BTBD2: variants seen among roughly 807,000 people sequenced by gnomAD.
BTBD2 encodes BTB/POZ domain-containing protein 2.
In BTBD2, 15 loss-of-function variants were observed where a neutral mutation model predicts 44.0. The observed-to-expected ratio is 0.34, with a 90% CI of 0.23 to 0.53. The LOEUF is 0.53. Ranked by LOEUF, BTBD2 falls within the 20% of genes least tolerant of loss-of-function variation. The pLI is 0.95. For missense variants in BTBD2, 657 were observed against 746.4 expected (o/e 0.88, Z 1.39); for synonymous variants, 443 against 335.9 (o/e 1.32, Z -3.49).
At chr19:1,996,348 C>T (rs1188850181) in intron 2 of BTBD2, among the ~76,000 whole-genome samples, 1 of 152,058 alleles carries the variant, frequency 6.6e-6, no homozygotes, top group Non-Finnish European at 1.5e-5. Flanking sequence ...AACAGTAATT[C>T]TGATAGGATT....
intron 3 of BTBD2, among the ~76,000 whole-genome samples, chr19:1,992,629 T>C (rs958328848): frequency 3.3e-5 from 5 of 152,060 alleles, no homozygotes; most frequent in Non-Finnish European, 7.4e-5. Context: ...TGGAGTGCAG[T>C]GGTGCGATCT....
intron 1 of BTBD2, chr19:2,013,491 G>C (rs920044383): frequency 2.0e-6 from 2 of 985,674 alleles, no homozygotes; most frequent in African/African-American, 3.5e-5. Context: ...TGGTGGCCTG[G>C]TGGCAGGGGA....
Position 1,987,613 on chromosome 19 carries a change from T to C in BTBD2, c.1068A>G (p.Arg356=). Residue 356 remains arginine (R), a synonymous_variant, in exon 6 of 9, where the codon CGA becomes CGG. Transcript: ENST00000255608. ...AGCGGGGCCGGTCAATGAACTCCAC[T>C]CGTGGCTTGGGGTTGACGGTGAAGT... ...FLHFTVNPKP[R]VEFIDRPRCC... 6.2e-7 allele frequency: 1 copy of C among 1,612,646 alleles called. No homozygotes were observed. The highest frequency in any genetic ancestry group is 8.5e-7 in the Non-Finnish European group (1 of 1,179,726).
At chr19:2,011,653 G>C (rs1466420413) in intron 1 of BTBD2, among the ~76,000 whole-genome samples, 2 of 152,052 alleles carry the variant, frequency 1.3e-5, no homozygotes, top group East Asian at 3.9e-4. Flanking sequence ...AACTGCACAG[G>C]TCCACTCATA....
intron 1 of BTBD2, among the ~76,000 whole-genome samples, chr19:2,007,188 ACCATGTTGG>A (rs1292548011): frequency 6.6e-6 from 1 of 151,968 alleles, no homozygotes; most frequent in East Asian, 1.9e-4. Flanking sequence ...ACGGAGTATC[ACCATGTTGG>A]CCAGGCTGGT....
intron 2 of BTBD2, 128 bp downstream of exon 2, chr19:1,997,216 T>C: frequency 7.1e-7 from 1 of 1,406,792 alleles, no homozygotes; most frequent in Non-Finnish European, 9.6e-7. Flanking sequence ...AACCCCTCAT[T>C]GCACAGGAAC....
chr19:2,001,110 CCT>C (rs994846500), intron 1 of BTBD2, among the ~76,000 whole-genome samples: 6 of 152,046 alleles, frequency 3.9e-5, no homozygotes, highest in Admixed American at 1.3e-4. Context: ...ATGGTGAAAC[CCT>C]GTCTCTATGA....
chr19:2,007,986 G>C (rs1599359979), intron 1 of BTBD2, among the ~76,000 whole-genome samples: 1 of 151,908 alleles, frequency 6.6e-6, no homozygotes. Flanking sequence ...AGTAATAAAT[G>C]TGTCAGACCA....
chr19:1,994,968 T>C (rs1037181358), intron 2 of BTBD2, among the ~76,000 whole-genome samples: 3 of 152,150 alleles, frequency 2.0e-5, no homozygotes, highest in African/African-American at 7.2e-5. Flanking sequence ...TTCTGGTTTT[T>C]CTTTTTTTGT....
chr19:2,009,555 A>G (rs999561923), intron 1 of BTBD2, among the ~76,000 whole-genome samples: 4 of 151,278 alleles, frequency 2.6e-5, no homozygotes, highest in Non-Finnish European at 4.4e-5. Flanking sequence ...TAGAGTGAAT[A>G]AAGATACGTT....
intron 1 of BTBD2, among the ~76,000 whole-genome samples, chr19:2,012,828 T>C (rs1209852817): frequency 6.6e-6 from 1 of 152,132 alleles, no homozygotes; most frequent in Non-Finnish European, 1.5e-5. Flanking sequence ...ATCGCATACA[T>C]GTCCCAAGGT....
intron 3 of BTBD2, 61 bp downstream of exon 3, chr19:1,992,958 CA>C: frequency 9.3e-6 from 8 of 856,828 alleles, no homozygotes; most frequent in Non-Finnish European, 1.3e-5. Context: ...CGGTCCGCCC[CA>C]CCCCGGCCCC....
chr19:1,991,072 A>G, intron 3 of BTBD2: 1 of 438,360 alleles, frequency 2.3e-6, no homozygotes, highest in Non-Finnish European at 4.2e-6. Context: ...GAAGGAAGAA[A>G]AAGATGCTCA....
At chr19:1,998,738 C>T (rs1381899679) in intron 1 of BTBD2, among the ~76,000 whole-genome samples, 1 of 152,134 alleles carries the variant, frequency 6.6e-6, no homozygotes, top group Non-Finnish European at 1.5e-5. Flanking sequence ...CACACGATGG[C>T]CTCCCAGGGG....
intron 1 of BTBD2, among the ~76,000 whole-genome samples, chr19:2,011,277 C>CA (rs1416242557): frequency 1.3e-5 from 2 of 152,270 alleles, no homozygotes; most frequent in African/African-American, 4.8e-5. Flanking sequence ...AGAGGACCTG[C>CA]ATCCTCTACC....
In BTBD2 at chr19:1,986,887, G is replaced by C. The variant is rs1274758792; in HGVS notation, c.1359C>G (p.Phe453Leu). ...DGSASTFRVM[F>L]KEPVEVLPNV... ...TGGGCAGCACCTCCACCGGCTCCTTGAACATGACGCGGAAGGTGCTGGCTG... is the reference window on the plus strand; with the variant it reads ...TGGGCAGCACCTCCACCGGCTCCTTCAACATGACGCGGAAGGTGCTGGCTG... The change falls in exon 8 of 9, where the codon TTC becomes TTG. Residue 453 changes from phenylalanine to leucine, a missense_variant. By Grantham distance (22) the Phe-to-Leu change is conservative (BLOSUM62 0). Transcript: ENST00000255608. 3 of 1,613,110 alleles carry C rather than the reference G, an allele frequency of 1.9e-6. No individual in the cohort carries two copies. The highest frequency in any genetic ancestry group is 2.5e-6 in the Non-Finnish European group (3 of 1,179,802).
Position 2,015,602 on chromosome 19 carries a change from G to T in BTBD2, c.102C>A (p.Ala34=). The T allele has an allele frequency of 1.0e-6, 1 of 972,090 alleles. No individual in the cohort carries two copies. The highest frequency in any genetic ancestry group is 4.7e-5 in the South Asian group (1 of 21,458). 60.2% of individuals were successfully genotyped at this position (972,090 alleles called of 1,614,324 possible). Residue 34 remains alanine, a synonymous_variant, in exon 1 of 9, where the codon GCC becomes GCA. Transcript: ENST00000255608. ...CGGCCGCGTTGCCGGGGGCCGGGGTGGCGGCGGCGTTGGCGCTGGGCCCGG... is the reference window on the plus strand; with the variant it reads ...CGGCCGCGTTGCCGGGGGCCGGGGTTGCGGCGGCGTTGGCGCTGGGCCCGG... ...GSPGPSANAA[A]TPAPGNAAAA...
chr19:1,997,664 G>A (rs957940545), intron 1 of BTBD2, among the ~76,000 whole-genome samples: 3 of 152,238 alleles, frequency 2.0e-5, no homozygotes, highest in African/African-American at 4.8e-5. Flanking sequence ...CCCACGGCAA[G>A]GACAGGCAGG....
chr19:2,015,622 G>GC lies in BTBD2; in HGVS notation c.81dup (p.Pro28AlafsTer120). On this transcript the variant is annotated frameshift_variant, in exon 1 of 9. Transcript: ENST00000255608. LOFTEE classifies it high-confidence loss of function. ...GGGGTGGCGGCGGCGTTGGCGCTGG[G>GC]CCCGGGACTGCCCCCCGTGCCCGGG... 2 of 977,566 alleles carry GC rather than the reference G, an allele frequency of 2.0e-6. No homozygotes were observed. The highest frequency in any genetic ancestry group is 2.4e-6 in the Non-Finnish European group (2 of 827,912). 60.6% of individuals were successfully genotyped at this position (977,566 alleles called of 1,614,324 possible).
Sources: gnomAD v4.1 joint callset for allele counts (sites outside exome capture counted in the v4.1 genomes callset) on GRCh38, gnomAD v4.1.1 for gene constraint, MANE v1.5 for transcripts, NCBI Gene and HGNC (gene_info 2026-07-23, HGNC 2026-07-21) for gene names.